Variants in FAM193A observed in about 807,000 individuals in gnomAD.
FAM193A encodes family with sequence similarity 193 member A, also known as protein FAM193A.
FAM193A carries 22 observed loss-of-function variants against 126.5 expected under a neutral mutation model. The ratio of observed to expected loss-of-function variants is 0.17; its 90% CI spans 0.12 to 0.25. FAM193A has a LOEUF of 0.25. Ranked by LOEUF, FAM193A falls within the 10% of genes least tolerant of loss-of-function variation. FAM193A has a pLI of 1.00. For synonymous variants in FAM193A, 761 were observed against 646.8 expected (o/e 1.18, Z -2.68); for missense variants, 1,675 against 1,672.8 (o/e 1.00, Z -0.02).
rs1300302935 is a variant in FAM193A, at chr4:2,710,177, C to CT, written c.4373-5831dup. ...TCTTCTTTTGTTTTTTTTTTTTTTTCTTTTTTTTTTTTTTTGAGACAGAGT... is the reference window on the plus strand; with the variant it reads ...TCTTCTTTTGTTTTTTTTTTTTTTTCTTTTTTTTTTTTTTTTGAGACAGAGT... On this transcript the variant is annotated intron_variant, in intron 19 of 20. Transcript: ENST00000637812. 7.4e-3 allele frequency among the ~76,000 whole-genome samples: 548 copies of CT among 73,882 alleles called. 11 individuals carry two copies. The highest frequency in any genetic ancestry group is 0.017 in the African/African-American group (297 of 17,662). The allele number at this position is 73,882 out of a possible 152,430, so 48.5% of individuals were successfully genotyped here. A position where few individuals can be genotyped will look rare whatever the true frequency, so the allele number is the denominator to read the frequency against.
At chr4:2,579,579 G>C (rs1427658803) in intron 1 of FAM193A, among the ~76,000 whole-genome samples, 1 of 151,882 alleles carries the variant, frequency 6.6e-6, no homozygotes, top group Non-Finnish European at 1.5e-5. Flanking sequence ...CTCGCCTGTG[G>C]TCCCAGTTAC....
intron 10 of FAM193A, among the ~76,000 whole-genome samples, chr4:2,660,991 T>C (rs1272508066): frequency 6.6e-6 from 1 of 152,214 alleles, no homozygotes; most frequent in African/African-American, 2.4e-5. Context: ...AGCTGGCTGT[T>C]ATCCAACTTC....
At chr4:2,654,901 G>T in intron 7 of FAM193A, 1 of 470,918 alleles carries the variant, frequency 2.1e-6, no homozygotes, top group Non-Finnish European at 3.8e-6. Context: ...GAGATGCCCT[G>T]TGACCAGTCA....
intron 1 of FAM193A, among the ~76,000 whole-genome samples, chr4:2,555,522 T>C (rs1738194847): frequency 6.6e-6 from 1 of 152,220 alleles, no homozygotes; most frequent in Non-Finnish European, 1.5e-5. Context: ...TTTACAACCA[T>C]AATCCTAACA....
intron 4 of FAM193A, among the ~76,000 whole-genome samples, chr4:2,627,654 T>C (rs534605941): frequency 4.5e-4 from 65 of 144,412 alleles, no homozygotes; most frequent in Middle Eastern, 3.5e-3. Flanking sequence ...CTCAGCTCAC[T>C]GCAACCTCTG....
chr4:2,622,546 C>T (rs991958053), intron 2 of FAM193A, among the ~76,000 whole-genome samples: 2 of 152,034 alleles, frequency 1.3e-5, no homozygotes, highest in African/African-American at 2.4e-5. Flanking sequence ...TTGTTGGTGG[C>T]GGGGGTGCTG....
intron 12 of FAM193A, among the ~76,000 whole-genome samples, chr4:2,667,901 T>C (rs1577170144): frequency 6.6e-6 from 1 of 152,152 alleles, no homozygotes; most frequent in African/African-American, 2.4e-5. Flanking sequence ...TAAAATACAA[T>C]ATGTATCTCT....
Position 2,625,413 on chromosome 4 carries a change from C to T in FAM193A, c.635+18C>T, listed in dbSNP as rs1742851287. On this transcript the variant is annotated intron_variant, in intron 3 of 20. Transcript: ENST00000637812. Reference sequence around the variant, plus strand: ...GAGCGCAGGTATGTGACGTGTGTGCCACGTTGCTCACACCTGTCCACAATG... The same window carrying T: ...GAGCGCAGGTATGTGACGTGTGTGCTACGTTGCTCACACCTGTCCACAATG... 1.4e-6 allele frequency: 1 copy of T among 695,262 alleles called. No individual in the cohort carries two copies. The highest frequency in any genetic ancestry group is 1.7e-5 in the African/African-American group (1 of 57,230). 43.1% of individuals were successfully genotyped at this position (695,262 alleles called of 1,614,324 possible).
Position 2,645,670 on chromosome 4 carries a change from G to A in FAM193A, c.1164-1015G>A, listed in dbSNP as rs1056507023. ...GCCTCCTGAGTAGCTGGGATTACAG[G>A]CATGTGCCACCACACCCAGCTAATT... On this transcript the variant is annotated intron_variant, in intron 6 of 20. Transcript: ENST00000637812. Among the ~76,000 whole-genome samples the A allele has an allele frequency of 3.3e-5, 5 of 152,168 alleles. No individual in the cohort carries two copies. In the East Asian group the frequency reaches 9.7e-4, roughly 29 times the overall value.
rs1712630029 is a variant in FAM193A at position 2,662,863 on chromosome 4, C to T, written c.1771C>T (p.Pro591Ser). Residue 591 changes from proline to serine, a missense_variant, in exon 11 of 21, where the codon CCA (proline) becomes TCA (serine). Physicochemically the swap from Pro to Ser is moderately conservative, Grantham distance 74 (BLOSUM62 -1). Around this residue, in one of 4 missense-constraint regions of FAM193A, gnomAD observed 1,186 missense variants for 1,109.2 expected, o/e 1.07. Transcript: ENST00000637812. ...TTGTAGTGATGATGAAGATGTTGCA[C>T]CATTGTCAGCCAAATTTGCTGATAT... ...TFCSDDEDVA[P>S]LSAKFADIYP... The T allele has an allele frequency of 1.9e-6, 3 of 1,611,274 alleles. No individual in the cohort carries two copies. In the African/African-American group the frequency reaches 4.0e-5, roughly 22 times the overall value.
At position 2,627,868 on chromosome 4, in the gene FAM193A, G is replaced by A. The variant is rs745509010; in HGVS notation, c.803+1291G>A. On this transcript the variant is annotated intron_variant, in intron 4 of 20. Transcript: ENST00000637812. The stretch of plus-strand genomic sequence containing the variant: ...CGCCGTTCTCCTGCCTCAGCCTGCC[G>A]AGTAGCTGGGACTACAGGCACCCAC... Among the ~76,000 whole-genome samples, 6 of 151,792 alleles carry A rather than the reference G, an allele frequency of 4.0e-5. No individual in the cohort carries two copies. In the East Asian group the frequency reaches 5.8e-4, roughly 15 times the overall value.
At chr4:2,668,846 T>C (rs970596346) in intron 12 of FAM193A, among the ~76,000 whole-genome samples, 1 of 151,996 alleles carries the variant, frequency 6.6e-6, no homozygotes, top group East Asian at 1.9e-4. Flanking sequence ...TTTTCCTTTT[T>C]CTTTTCCTTT....
chr4:2,571,755 G>C (rs1024393247), intron 1 of FAM193A, among the ~76,000 whole-genome samples: 5 of 151,832 alleles, frequency 3.3e-5, no homozygotes, highest in Admixed American at 3.3e-4. Flanking sequence ...GGCCAGGCTG[G>C]TGTTGAACTC....
At chr4:2,619,811 C>A (rs532940532) in intron 2 of FAM193A, among the ~76,000 whole-genome samples, 1 of 152,164 alleles carries the variant, frequency 6.6e-6, no homozygotes, top group African/African-American at 2.4e-5. Flanking sequence ...CTGCCTCAAC[C>A]TCTCGAGTGG....
intron 2 of FAM193A, chr4:2,608,019 A>C: frequency 6.2e-7 from 1 of 1,603,994 alleles, no homozygotes; most frequent in Admixed American, 1.7e-5. Context: ...GTGAATGTGC[A>C]CCACGCACTT....
chr4:2,617,243 TATA>T lies in FAM193A; in HGVS notation c.502-8018_502-8016del, dbSNP rs1560484761. ...ATTGGTCAGAAGTATGTTTTTATTA[TATA>T]TATATATATATATATATTTTTTTTT... On this transcript the variant is annotated intron_variant, in intron 2 of 20. Coordinates refer to ENST00000637812, the MANE Select transcript of FAM193A (RefSeq NM_001366318.2). Among the ~76,000 whole-genome samples the T allele has an allele frequency of 1.0e-3, 45 of 43,242 alleles. 10 individuals are homozygous for T. Among genetic ancestry groups the T allele is most frequent in the African/African-American group, 9.4e-3 (40 of 4,268 alleles). The allele number at this position is 43,242 out of a possible 152,430, so 28.4% of individuals were successfully genotyped here.
intron 1 of FAM193A, among the ~76,000 whole-genome samples, chr4:2,572,092 G>A (rs188658515): frequency 0.028 from 4,245 of 151,198 alleles, 216 homozygotes; most frequent in African/African-American, 0.097. Flanking sequence ...TTGAACCCAG[G>A]AGGCGGAGGT....
intron 2 of FAM193A, among the ~76,000 whole-genome samples, chr4:2,624,771 G>A (rs972129621): frequency 2.6e-5 from 4 of 152,282 alleles, no homozygotes; most frequent in Middle Eastern, 3.4e-3. Flanking sequence ...CAAACGTCTG[G>A]GCTCAAGTGG....
intron 1 of FAM193A, among the ~76,000 whole-genome samples, chr4:2,569,177 G>A (rs980427093): frequency 1.3e-5 from 2 of 151,826 alleles, no homozygotes; most frequent in African/African-American, 2.4e-5. Context: ...TGCCATGTTG[G>A]CCAGGCTGAT....
Sources: allele counts gnomAD v4.1 joint callset (sites outside exome capture counted in the v4.1 genomes callset), GRCh38; gene constraint gnomAD v4.1.1; regional missense constraint gnomAD v4.1.1; transcripts MANE v1.5; gene names NCBI Gene and HGNC (gene_info 2026-07-23, HGNC 2026-07-21).